ATXN7L1: variants seen among roughly 807,000 people sequenced by gnomAD.
The protein encoded by ATXN7L1 is ataxin-7-like protein 1.
In ATXN7L1, 15 loss-of-function variants were observed where a neutral mutation model predicts 70.8. The observed-to-expected ratio is 0.21, with a 90% CI of 0.14 to 0.33. ATXN7L1 has a LOEUF of 0.33. Among genes scored for constraint, ATXN7L1 ranks in the 10% least tolerant of loss-of-function variants. The probability of loss-of-function intolerance (pLI) is 1.00; values close to 1 mark genes in which losing one functional copy is unlikely to be tolerated. For missense variants in ATXN7L1, 975 were observed against 1,097.1 expected, an observed-to-expected ratio of 0.89 and a Z score of 1.57; for synonymous variants, 440 against 445.1, an observed-to-expected ratio of 0.99 and a Z score of 0.14.
chr7:105,750,909 T>C (rs1423476726), intron 3 of ATXN7L1, among the ~76,000 whole-genome samples: 5 of 152,214 alleles, frequency 3.3e-5, no homozygotes, highest in African/African-American at 7.2e-5. Flanking sequence ...CTGGTTCCAA[T>C]GTGATTTTCA....
chr7:105,613,814 C>A (rs1239138199), intron 10 of ATXN7L1, 48 bp downstream of exon 10: 2 of 1,551,348 alleles, frequency 1.3e-6, no homozygotes, highest in Non-Finnish European at 1.7e-6. Context: ...CTGCCCAGCT[C>A]CCCCTGCCCC....
rs569870575 is a variant in ATXN7L1 at position 105,698,631 on chromosome 7, T to A, written c.356-33343A>T. On this transcript the variant is annotated intron_variant, in intron 3 of 11. Coordinates refer to ENST00000419735, the MANE Select transcript of ATXN7L1 (RefSeq NM_020725.2). The stretch of plus-strand genomic sequence containing the variant: ...CCTCGGCCTCCCAAAGTGCTGAGAT[T>A]AAAGGCGTGAGCCACCGTGCTTGGC... 4.6e-5 allele frequency among the ~76,000 whole-genome samples: 7 copies of A among 152,334 alleles called. No individual in the cohort carries two copies. In the South Asian group the frequency reaches 1.4e-3, roughly 32 times the overall value.
At chr7:105,704,655 A>G (rs1792916127) in intron 3 of ATXN7L1, among the ~76,000 whole-genome samples, 1 of 132,788 alleles carries the variant, frequency 7.5e-6, no homozygotes, top group Non-Finnish European at 1.5e-5. Context: ...GTGCAGTGGT[A>G]CGATCTGAGC....
At chr7:105,710,245 G>A (rs1019700284) in intron 3 of ATXN7L1, among the ~76,000 whole-genome samples, 3 of 152,138 alleles carry the variant, frequency 2.0e-5, no homozygotes, top group Non-Finnish European at 2.9e-5. Context: ...ATGAAGAAAA[G>A]AGGTTTAATT....
In ATXN7L1 at chr7:105,646,705, A is replaced by G. The variant is rs148973526; in HGVS notation, c.579-3584T>C. 6.1e-4 allele frequency among the ~76,000 whole-genome samples: 92 copies of G among 149,944 alleles called. No homozygotes were observed. The East Asian group carries it at 0.017, about 27-fold the overall frequency. Reference sequence around the variant, plus strand: ...AGTGCTGGGATTACAGGCATGAGCCACTGCTCCCAGCCGAGGCCAGGTATT... The same window carrying G: ...AGTGCTGGGATTACAGGCATGAGCCGCTGCTCCCAGCCGAGGCCAGGTATT... On this transcript the variant is annotated intron_variant, in intron 4 of 11. Transcript: ENST00000419735.
At chr7:105,819,728 CT>C in intron 2 of ATXN7L1, 1 of 808,980 alleles carries the variant, frequency 1.2e-6, no homozygotes. Context: ...CTAGCCGCAC[CT>C]TCCGGCTGAC....
At chr7:105,646,023 T>C (rs1209935099) in intron 4 of ATXN7L1, among the ~76,000 whole-genome samples, 2 of 144,240 alleles carry the variant, frequency 1.4e-5, no homozygotes, top group African/African-American at 5.2e-5. Context: ...AAAAAAAAAG[T>C]GTCAGTGGCC....
intron 2 of ATXN7L1, among the ~76,000 whole-genome samples, chr7:105,838,125 G>A (rs963422460): frequency 5.3e-5 from 8 of 152,272 alleles, no homozygotes; most frequent in South Asian, 2.1e-4. Flanking sequence ...ACCCATAATG[G>A]CTCAGTGTTC....
intron 2 of ATXN7L1, among the ~76,000 whole-genome samples, chr7:105,857,824 T>C (rs1043244824): frequency 2.6e-5 from 4 of 152,196 alleles, no homozygotes; most frequent in African/African-American, 9.7e-5. Flanking sequence ...GTTTTCACAC[T>C]ATACAAGCAT....
At chr7:105,782,255 A>C (rs1803641242) in intron 3 of ATXN7L1, among the ~76,000 whole-genome samples, 1 of 152,250 alleles carries the variant, frequency 6.6e-6, no homozygotes, top group Admixed American at 6.5e-5. Context: ...AGATGCCTGC[A>C]GAGTGGAACT....
At chr7:105,728,961 G>T (rs77633646) in intron 3 of ATXN7L1, among the ~76,000 whole-genome samples, 10,587 of 152,112 alleles carry the variant, frequency 0.07, 425 homozygotes, top group South Asian at 0.16. Flanking sequence ...TGTTATAAAT[G>T]CATGATTGAA....
chr7:105,794,400 A>C (rs1563098872), intron 2 of ATXN7L1, among the ~76,000 whole-genome samples: 1 of 152,172 alleles, frequency 6.6e-6, no homozygotes, highest in East Asian at 1.9e-4. Context: ...TGGTAGCTTG[A>C]ATCAGCCAAG....
At position 105,642,849 on chromosome 7, in the gene ATXN7L1, C is replaced by A; in HGVS notation, c.851G>T (p.Arg284Met). The A allele has an allele frequency of 6.4e-7, 1 of 1,551,466 alleles. No homozygotes were observed. The highest frequency in any genetic ancestry group is 1.2e-5 in the South Asian group (1 of 84,014). ...ACACTGACACATACCTGAAAGTCTC[C>A]TGTAAGGCTTGTTGCTGTTTTTGGT... ...NGTKNSNKPY[R>M]RLSEREFDPN... The change falls in exon 5 of 12, where the codon AGG becomes ATG. Residue 284 changes from arginine to methionine, a missense_variant. Physicochemically the swap from Arg to Met is moderately conservative, Grantham distance 91 (BLOSUM62 -1). Coordinates refer to ENST00000419735, the MANE Select transcript of ATXN7L1 (RefSeq NM_020725.2).
intron 2 of ATXN7L1, among the ~76,000 whole-genome samples, chr7:105,853,231 T>C (rs185476148): frequency 3.9e-4 from 60 of 152,344 alleles, no homozygotes; most frequent in African/African-American, 1.4e-3. Flanking sequence ...AAATTTTAAG[T>C]TACATATATT....
At chr7:105,693,584 T>TCCATCCA (rs1563011589) in intron 3 of ATXN7L1, among the ~76,000 whole-genome samples, 3 of 40,132 alleles carry the variant, frequency 7.5e-5, no homozygotes, top group South Asian at 7.2e-4. Flanking sequence ...TCCATCCATC[T>TCCATCCA]AATTTGAAGA....
intron 4 of ATXN7L1, among the ~76,000 whole-genome samples, chr7:105,651,089 G>A (rs1336253988): frequency 6.6e-6 from 1 of 152,134 alleles, no homozygotes; most frequent in African/African-American, 2.4e-5. Context: ...GAGCTTATCA[G>A]GACTCTAAGA....
chr7:105,788,739 G>C, intron 2 of ATXN7L1, 31 bp from the exon 3 acceptor site: 1 of 1,538,488 alleles, frequency 6.5e-7, no homozygotes, highest in Non-Finnish European at 9.0e-7. Flanking sequence ...AGTGTGTTTT[G>C]AAAAAGCAAT....
intron 3 of ATXN7L1, among the ~76,000 whole-genome samples, chr7:105,733,203 A>C (rs1357804366): frequency 6.6e-6 from 1 of 152,212 alleles, no homozygotes; most frequent in Admixed American, 6.5e-5. Flanking sequence ...GTTGGCACTC[A>C]AAAATATCTA....
At chr7:105,690,718 C>A (rs939467631) in intron 3 of ATXN7L1, among the ~76,000 whole-genome samples, 1 of 152,162 alleles carries the variant, frequency 6.6e-6, no homozygotes, top group South Asian at 2.1e-4. Context: ...ATTCCAAGAG[C>A]GGCAGACTCA....
Sources: gnomAD v4.1 joint callset for allele counts (sites outside exome capture counted in the v4.1 genomes callset) on GRCh38, gnomAD v4.1.1 for gene constraint, MANE v1.5 for transcripts, NCBI Gene and HGNC (gene_info 2026-07-23, HGNC 2026-07-21) for gene names.